RIMS2: variants seen among roughly 807,000 people sequenced by gnomAD.
RIMS2 encodes regulating synaptic membrane exocytosis 2.
RIMS2 carries 59 observed loss-of-function variants against 174.4 expected under a neutral mutation model. The ratio of observed to expected loss-of-function variants is 0.34; its 90% CI spans 0.27 to 0.42. The LOEUF (loss-of-function observed/expected upper bound fraction) is 0.42, where lower values mean the gene tolerates loss of function less well. RIMS2 is among the 10% of genes least tolerant of loss of function. The probability of loss-of-function intolerance (pLI) is 1.00; values close to 1 mark genes in which losing one functional copy is unlikely to be tolerated. For missense variants in RIMS2, 1,620 were observed against 1,666.3 expected (o/e 0.97, Z 0.48); for synonymous variants, 606 against 572.5 (o/e 1.06, Z -0.84).
chr8:103,751,043 T>A (rs1347721124), intron 2 of RIMS2, among the ~76,000 whole-genome samples: 8 of 152,164 alleles, frequency 5.3e-5, no homozygotes, highest in African/African-American at 1.9e-4. Flanking sequence ...GCATAAGCTC[T>A]CTTCTCTTGT....
intron 13 of RIMS2, among the ~76,000 whole-genome samples, chr8:103,937,985 G>A (rs1280146424): frequency 6.6e-6 from 1 of 152,106 alleles, no homozygotes; most frequent in Non-Finnish European, 1.5e-5. Flanking sequence ...AGTAGCTGGG[G>A]CTACAGGCAC....
In RIMS2 at chr8:103,788,840, CT is replaced by C. The variant is rs1221898709; in HGVS notation, c.698+22304del. Among the ~76,000 whole-genome samples the C allele has an allele frequency of 1.1e-4, 16 of 152,350 alleles. No individual in the cohort carries two copies. In the East Asian group the frequency reaches 3.1e-3, roughly 29 times the overall value. ...GGCTGCTTTGTTTATCTAAGCAAGC[CT>C]GGGCAATGGCGGGCGCCCCTCCCCC... is the stretch of plus-strand genomic sequence containing the variant. On this transcript the variant is annotated intron_variant, in intron 3 of 23. Coordinates refer to ENST00000504942, the Ensembl canonical transcript of RIMS2.
At chr8:103,781,592 A>T (rs2098388866) in intron 3 of RIMS2, among the ~76,000 whole-genome samples, 1 of 152,072 alleles carries the variant, frequency 6.6e-6, no homozygotes, top group South Asian at 2.1e-4. Context: ...ACGGTTCAAA[A>T]TCTTGTTTCC....
chr8:103,756,320 C>T (rs375955077), intron 2 of RIMS2, among the ~76,000 whole-genome samples: 2 of 151,120 alleles, frequency 1.3e-5, no homozygotes, highest in African/African-American at 4.9e-5. Flanking sequence ...AGCTGCAGAC[C>T]GGAGCCGTTC....
At chr8:103,959,454 A>C (rs377729344) in intron 14 of RIMS2, among the ~76,000 whole-genome samples, 51 of 151,510 alleles carry the variant, frequency 3.4e-4, no homozygotes, top group African/African-American at 1.2e-3. Context: ...ATGGAATCGC[A>C]CTCTGTCACC....
rs1033886894 is a variant in RIMS2, at chr8:103,894,932, G to A, written c.1624+8709G>A. ...TTTCGATAAAGTTATCTTGAGATCA[G>A]TTGATATTTTCTAAAAATGAGAAAA... On this transcript the variant is annotated intron_variant, in intron 4 of 23. Transcript: ENST00000504942. Among the ~76,000 whole-genome samples, 20 of 151,586 alleles carry A rather than the reference G, an allele frequency of 1.3e-4. 1 individual carries two copies. The highest frequency in any genetic ancestry group is 4.9e-4 in the African/African-American group (20 of 41,110).
intron 1 of RIMS2, among the ~76,000 whole-genome samples, chr8:103,561,361 A>G (rs1001231588): frequency 2.6e-5 from 4 of 152,222 alleles, no homozygotes; most frequent in African/African-American, 4.8e-5. Flanking sequence ...AAATCCAGGC[A>G]TATGAAAGAA....
rs115147424 is a variant in RIMS2 at position 103,741,116 on chromosome 8, G to A, written c.388-25111G>A. On this transcript the variant is annotated intron_variant, in intron 2 of 23. Coordinates refer to ENST00000504942, the Ensembl canonical transcript of RIMS2. ...TAATACACAATTGTTTAAAATAAAT[G>A]CAAATTTTGATTACAAATAATTAAA... 2.2e-3 allele frequency among the ~76,000 whole-genome samples: 331 copies of A among 151,904 alleles called. 4 individuals carry two copies. Among genetic ancestry groups the A allele is most frequent in the African/African-American group, 7.6e-3 (317 of 41,510 alleles).
rs191805958 is a variant in RIMS2 at position 104,189,645 on chromosome 8, A to T, written c.3335-55271A>T. 8.0e-5 allele frequency among the ~76,000 whole-genome samples: 12 copies of T among 149,108 alleles called. No homozygotes were observed. The East Asian group carries it at 2.1e-3, about 27-fold the overall frequency. ...TTCAAATATATGTATACAATTCTAAATATATATTCCAAATGTATATATAGT... is the reference window on the plus strand; with the variant it reads ...TTCAAATATATGTATACAATTCTAATTATATATTCCAAATGTATATATAGT... On this transcript the variant is annotated intron_variant, in intron 19 of 23. Transcript: ENST00000504942.
intron 1 of RIMS2, among the ~76,000 whole-genome samples, chr8:103,594,834 C>A (rs914145888): frequency 6.6e-6 from 1 of 151,706 alleles, no homozygotes; most frequent in Non-Finnish European, 1.5e-5. Flanking sequence ...CCTTCATTTA[C>A]AATATATAAG....
intron 19 of RIMS2, among the ~76,000 whole-genome samples, chr8:104,145,740 G>A (rs527647046): frequency 1.3e-5 from 2 of 151,050 alleles, no homozygotes; most frequent in African/African-American, 2.4e-5. Context: ...GTGCATGCCT[G>A]CAATCCCAGC....
At chr8:103,939,102 C>G (rs2081967290) in intron 13 of RIMS2, among the ~76,000 whole-genome samples, 1 of 152,292 alleles carries the variant, frequency 6.6e-6, no homozygotes. Flanking sequence ...CATCTTCTCA[C>G]AGCTCCACTA....
intron 15 of RIMS2, among the ~76,000 whole-genome samples, chr8:103,967,201 G>A (rs1317911695): frequency 4.6e-5 from 1 of 21,800 alleles, no homozygotes; most frequent in Non-Finnish European, 7.3e-5. Flanking sequence ...TTTTTTTTTT[G>A]AGATAGAGTT....
intron 1 of RIMS2, among the ~76,000 whole-genome samples, chr8:103,553,289 C>T (rs1284666295): frequency 1.3e-5 from 2 of 152,086 alleles, no homozygotes; most frequent in South Asian, 2.1e-4. Flanking sequence ...AATTTTTGTC[C>T]TTTGTAGGGA....
chr8:103,688,023 A>G (rs2096963650), intron 1 of RIMS2, among the ~76,000 whole-genome samples: 1 of 152,148 alleles, frequency 6.6e-6, no homozygotes, highest in Admixed American at 6.5e-5. Context: ...TTTACTGTAG[A>G]TAAGATCATG....
intron 2 of RIMS2, among the ~76,000 whole-genome samples, chr8:103,732,977 C>A (rs957289747): frequency 2.0e-5 from 3 of 152,020 alleles, no homozygotes; most frequent in African/African-American, 7.2e-5. Flanking sequence ...TTTACTCTTC[C>A]CTTTTCTTTT....
chr8:103,749,329 G>A (rs900621875), intron 2 of RIMS2, among the ~76,000 whole-genome samples: 2 of 143,294 alleles, frequency 1.4e-5, no homozygotes, highest in African/African-American at 5.2e-5. Flanking sequence ...CTCCAGGATG[G>A]TCTCGATCTC....
intron 21 of RIMS2, among the ~76,000 whole-genome samples, chr8:104,249,240 A>G (rs1189990611): frequency 6.6e-6 from 1 of 151,928 alleles, no homozygotes; most frequent in Non-Finnish European, 1.5e-5. Flanking sequence ...GCCCAGTGGA[A>G]TCTTTAACAA....
chr8:103,524,979 G>T (rs1407903862), intron 1 of RIMS2, among the ~76,000 whole-genome samples: 4 of 152,138 alleles, frequency 2.6e-5, no homozygotes, highest in Admixed American at 2.6e-4. Context: ...GCTTCCCAGT[G>T]GCAGAACATA....
Sources: gnomAD v4.1 joint callset for allele counts (sites outside exome capture counted in the v4.1 genomes callset) on GRCh38, gnomAD v4.1.1 for gene constraint, MANE v1.5 for transcripts, NCBI Gene and HGNC (gene_info 2026-07-23, HGNC 2026-07-21) for gene names.